GAPVD1: variants seen among roughly 807,000 people sequenced by gnomAD.
GAPVD1 encodes GTPase activating protein and VPS9 domains 1.
Under a neutral mutation model 155.5 loss-of-function variants are expected in GAPVD1, and 35 were observed. The observed-to-expected ratio is 0.23, with a 90% CI of 0.17 to 0.30. The LOEUF (loss-of-function observed/expected upper bound fraction) is 0.30. Among genes scored for constraint, GAPVD1 ranks in the 10% least tolerant of loss-of-function variants. The probability of loss-of-function intolerance (pLI) is 1.00; values close to 1 mark genes in which losing one functional copy is unlikely to be tolerated. For missense variants in GAPVD1, 1,429 were observed against 1,775.7 expected, an observed-to-expected ratio of 0.80 and a Z score of 3.51; for synonymous variants, 636 against 619.7, an observed-to-expected ratio of 1.03 and a Z score of -0.39.
intron 2 of GAPVD1, among the ~76,000 whole-genome samples, chr9:125,293,721 T>A (rs1385003707): frequency 1.1e-4 from 15 of 132,458 alleles, no homozygotes; most frequent in Admixed American, 4.3e-4. Context: ...TTTTATATTT[T>A]ATATAAATAT....
At chr9:125,266,297 TTA>T (rs1833945414) in intron 1 of GAPVD1, among the ~76,000 whole-genome samples, 1 of 150,178 alleles carries the variant, frequency 6.7e-6, no homozygotes. Context: ...CGGCTAATTT[TTA>T]TTTTATTTTA....
rs1369878438 is a variant in GAPVD1 at position 125,307,560 on chromosome 9, T to C, written c.1251+13T>C. 1.9e-6 allele frequency: 3 copies of C among 1,604,338 alleles called. No individual in the cohort carries two copies. Among genetic ancestry groups the C allele is most frequent in the Non-Finnish European group, 2.6e-6 (3 of 1,174,322 alleles). On this transcript the variant is annotated intron_variant, in intron 7 of 27. Transcript: ENST00000297933. Reference sequence around the variant, plus strand: ...GCTTATTACTCTGGTAATGGCTTCATTGTTTAAGAGAATTTCTCGAAAGTC... The same window carrying C: ...GCTTATTACTCTGGTAATGGCTTCACTGTTTAAGAGAATTTCTCGAAAGTC...
At chr9:125,268,210 A>G (rs547584117) in intron 1 of GAPVD1, among the ~76,000 whole-genome samples, 1 of 140,110 alleles carries the variant, frequency 7.1e-6, no homozygotes, top group Non-Finnish European at 1.6e-5. Flanking sequence ...CCCCCCAAAA[A>G]AAAACCAAGA....
At chr9:125,286,408 TG>T (rs1392272408) in intron 2 of GAPVD1, among the ~76,000 whole-genome samples, 3 of 152,242 alleles carry the variant, frequency 2.0e-5, no homozygotes, top group East Asian at 3.9e-4. Context: ...CTTCCCAAAG[TG>T]CTGGAATTAC....
At chr9:125,328,925 G>A (rs1261950520) in intron 12 of GAPVD1, among the ~76,000 whole-genome samples, 2 of 152,364 alleles carry the variant, frequency 1.3e-5, no homozygotes, top group Admixed American at 1.3e-4. Flanking sequence ...TCGCGGTTAG[G>A]GGCTGGAGAC....
chr9:125,304,222 C>T (rs763787777), intron 5 of GAPVD1, among the ~76,000 whole-genome samples: 28 of 152,134 alleles, frequency 1.8e-4, no homozygotes, highest in Admixed American at 3.3e-4. Flanking sequence ...GCACACCTCG[C>T]TCATTTAAAA....
At chr9:125,323,775 T>C (rs1237424504) in intron 10 of GAPVD1, 23 bp from the exon 11 acceptor site, 1 of 1,612,654 alleles carries the variant, frequency 6.2e-7, no homozygotes, top group Non-Finnish European at 8.5e-7. Context: ...AAAAGATTGC[T>C]CACACTATAA....
rs753020065 is a variant in GAPVD1 at position 125,302,596 on chromosome 9, G to C, written c.799G>C (p.Gly267Arg). Residue 267 changes from glycine to arginine, a missense_variant, in exon 5 of 28, where the codon GGT becomes CGT. This residue lies in a region of GAPVD1 where 628 missense variants were observed against 733.4 expected (regional missense o/e 0.86). Transcript: ENST00000297933. ...AGTGGCTTTGGTGAACAAATTTATT[G>C]GTTATCTCAAACAGAACACATATTG... is the stretch of plus-strand genomic sequence containing the variant. ...KLVALVNKFIGYLKQNTYCFP... is the reference protein window; with the variant it reads ...KLVALVNKFIRYLKQNTYCFP... 6.2e-6 allele frequency: 10 copies of C among 1,613,804 alleles called. No individual in the cohort carries two copies. The Admixed American group carries it at 1.3e-4, about 22-fold the overall frequency.
intron 2 of GAPVD1, among the ~76,000 whole-genome samples, chr9:125,289,005 G>T (rs1838167246): frequency 6.6e-6 from 1 of 152,316 alleles, no homozygotes; most frequent in Non-Finnish European, 1.5e-5. Flanking sequence ...CAAGTGCAAA[G>T]GTACTAAGGT....
chr9:125,273,995 A>G (rs1403112673), intron 2 of GAPVD1, among the ~76,000 whole-genome samples: 4 of 150,410 alleles, frequency 2.7e-5, no homozygotes, highest in African/African-American at 9.7e-5. Flanking sequence ...TTATTTATTT[A>G]TTATTATTAT....
intron 9 of GAPVD1, 95 bp from the exon 10 acceptor site, chr9:125,321,338 T>A (rs1844310397): frequency 6.1e-6 from 5 of 814,578 alleles, no homozygotes; most frequent in Non-Finnish European, 1.0e-5. Context: ...AATTGATAAT[T>A]TAAGATTAAG....
In GAPVD1 at chr9:125,364,081, A is replaced by T. The variant is rs1326538372; in HGVS notation, c.*1335A>T. 1 of 152,410 alleles carries T rather than the reference A, an allele frequency of 6.6e-6. No homozygotes were observed. The highest frequency in any genetic ancestry group is 1.5e-5 in the Non-Finnish European group (1 of 68,020). The allele number at this position is 152,410 out of a possible 1,614,324, so 9.4% of individuals were successfully genotyped here. A position where few individuals can be genotyped will look rare whatever the true frequency, so the allele number is the denominator to read the frequency against. ...CTGCTTTTTTAACAAACTCAGCCCC[A>T]TACTTGAGTCCCTTGTTGTTGGGAG... is the stretch of plus-strand genomic sequence containing the variant. On this transcript the variant is annotated 3_prime_UTR_variant, in exon 28 of 28. Coordinates refer to ENST00000297933, the MANE Select transcript of GAPVD1 (RefSeq NM_001282680.3).
rs1194799015 is a variant in GAPVD1 at position 125,347,022 on chromosome 9, AAG to A, written c.3169+83_3169+84del. The A allele has an allele frequency of 2.2e-6, 3 of 1,392,224 alleles. No homozygotes were observed. In the African/African-American group the frequency reaches 4.3e-5, roughly 20 times the overall value. The allele number at this position is 1,392,224 out of a possible 1,614,324, so 86.2% of individuals were successfully genotyped here. On this transcript the variant is annotated intron_variant, in intron 20 of 27. Transcript: ENST00000297933. The stretch of plus-strand genomic sequence containing the variant: ...TAATCTGAATTTAAGTGGCCTTTAA[AAG>A]AAAGAATAGCTAAGGGAGTCAGTTT...
chr9:125,306,458 T>C (rs1362496878), intron 6 of GAPVD1, among the ~76,000 whole-genome samples: 3 of 152,294 alleles, frequency 2.0e-5, no homozygotes, highest in East Asian at 3.9e-4. Context: ...TAGCACAATG[T>C]GTATACTGTT....
intron 20 of GAPVD1, among the ~76,000 whole-genome samples, chr9:125,347,684 G>A (rs1052656264): frequency 2.0e-5 from 3 of 150,930 alleles, no homozygotes; most frequent in Non-Finnish European, 4.4e-5. Flanking sequence ...GACGCTTACT[G>A]CACTCCAGTC....
chr9:125,304,089 A>C (rs1250974935), intron 5 of GAPVD1: 1 of 151,964 alleles, frequency 6.6e-6, no homozygotes, highest in East Asian at 1.9e-4. Context: ...AGATAGTCTC[A>C]CTCTGTCACC....
chr9:125,338,947 GTGTGTGTGTGTA>G (rs1847436855), intron 17 of GAPVD1, among the ~76,000 whole-genome samples: 1 of 149,480 alleles, frequency 6.7e-6, no homozygotes, highest in African/African-American at 2.5e-5. Context: ...GTGTGTGTGT[GTGTGTGTGTGTA>G]TATATATTTT....
chr9:125,344,138 C>T (rs1368020711), intron 19 of GAPVD1, among the ~76,000 whole-genome samples: 1 of 152,158 alleles, frequency 6.6e-6, no homozygotes, highest in East Asian at 1.9e-4. Flanking sequence ...ATTAATGACT[C>T]ATTGAAAGTT....
intron 1 of GAPVD1, 27 bp from the exon 2 acceptor site, chr9:125,268,909 T>C (rs1834430674): frequency 6.6e-6 from 1 of 152,114 alleles, no homozygotes; most frequent in South Asian, 2.1e-4. Flanking sequence ...TTATTATTTT[T>C]TCCTTTTTCC....
Sources: allele counts gnomAD v4.1 joint callset (sites outside exome capture counted in the v4.1 genomes callset), GRCh38; gene constraint gnomAD v4.1.1; regional missense constraint gnomAD v4.1.1; transcripts MANE v1.5; gene names NCBI Gene and HGNC (gene_info 2026-07-23, HGNC 2026-07-21).